The following RNF19A variants were observed in gnomAD, a reference collection of about 807,000 sequenced individuals.
RNF19A encodes E3 ubiquitin-protein ligase RNF19A.
Under a neutral mutation model 75.7 loss-of-function variants are expected in RNF19A, and 32 were observed. That is an observed-to-expected ratio of 0.42 (90% CI 0.32 to 0.57). The LOEUF (loss-of-function observed/expected upper bound fraction) is 0.57, where lower values mean the gene tolerates loss of function less well. Ranked by LOEUF, RNF19A falls within the 20% of genes least tolerant of loss-of-function variation. RNF19A has a pLI of 0.10. For synonymous variants in RNF19A, 335 were observed against 345.2 expected, an observed-to-expected ratio of 0.97 and a Z score of 0.33; for missense variants, 782 against 1,036.3, an observed-to-expected ratio of 0.75 and a Z score of 3.37.
At position 100,259,214 on chromosome 8, in the gene RNF19A, A is replaced by G. The variant is rs995824937; in HGVS notation, c.1859T>C (p.Ile620Thr). 3.1e-6 allele frequency: 5 copies of G among 1,613,256 alleles called. No individual in the cohort carries two copies. The highest frequency in any genetic ancestry group is 2.7e-5 in the African/African-American group (2 of 74,932). Residue 620 changes from isoleucine (I) to threonine (T), a missense_variant, in exon 10 of 10, where the codon ATT (isoleucine) becomes ACT (threonine). Physicochemically the swap from Ile to Thr is moderately conservative, Grantham distance 89 (BLOSUM62 -1). This residue lies in a region of RNF19A where 442 missense variants were observed against 541.6 expected (regional missense o/e 0.82). Transcript: ENST00000341084. This position sits in a 1 kb window ranked among gnomAD's most constrained non-coding sequence, Gnocchi z 4.5. ...EGNSMEVQVD[I>T]ESKPSKFRHN... The stretch of plus-strand genomic sequence containing the variant: ...CCTGAATTTGGATGGCTTTGACTCA[A>G]TATCTACTTGCACCTCCATACTGTT...
chr8:100,325,544 T>A lies in RNF19A; in HGVS notation c.-243+10564A>T, dbSNP rs1450502311. Among the ~76,000 whole-genome samples, 1 of 152,084 alleles carries A rather than the reference T, an allele frequency of 6.6e-6. No homozygotes were observed. The highest frequency in any genetic ancestry group is 1.5e-5 in the Non-Finnish European group (1 of 68,030). On this transcript the variant is annotated intron_variant, in intron 1 of 3. Transcript: ENST00000519527. The surrounding 1 kb of genome is among the most constrained non-coding windows in gnomAD (Gnocchi z 4.3). Reference sequence around the variant, plus strand: ...TTCAACTTTATATGTACCCAGGAATTTGGATCTAGTTCTCTGCCCTCAGCA... The same window carrying A: ...TTCAACTTTATATGTACCCAGGAATATGGATCTAGTTCTCTGCCCTCAGCA...
intron 1 of RNF19A, among the ~76,000 whole-genome samples, chr8:100,296,550 G>C (rs928408387): frequency 6.6e-6 from 1 of 152,058 alleles, no homozygotes; most frequent in Non-Finnish European, 1.5e-5. Context: ...TGGCTTCAGA[G>C]AAATCCATGA....
At chr8:100,286,216 T>C (rs1821010502) in intron 2 of RNF19A, among the ~76,000 whole-genome samples, 1 of 152,156 alleles carries the variant, frequency 6.6e-6, no homozygotes, top group Admixed American at 6.5e-5. Flanking sequence ...TCTTCCCACC[T>C]TTTTCTTGAA....
rs1323547237 is a variant in RNF19A, at chr8:100,261,229, G to C, written c.1682+313C>G. ...CCTACCTCAGCCTCCCGACCAGCTGGGACTACAGGTGCATGCCACCAAATC... is the reference window on the plus strand; with the variant it reads ...CCTACCTCAGCCTCCCGACCAGCTGCGACTACAGGTGCATGCCACCAAATC... On this transcript the variant is annotated intron_variant, in intron 8 of 9. Coordinates refer to ENST00000341084, the MANE Select transcript of RNF19A (RefSeq NM_183419.4). The surrounding 1 kb of genome is among the most constrained non-coding windows in gnomAD (Gnocchi z 4.4). Among the ~76,000 whole-genome samples the C allele has an allele frequency of 3.9e-5, 6 of 151,904 alleles. No homozygotes were observed. Among genetic ancestry groups the C allele is most frequent in the African/African-American group, 1.5e-4 (6 of 41,342 alleles).
At chr8:100,272,367 G>A (rs1563840355) in intron 3 of RNF19A, among the ~76,000 whole-genome samples, 2 of 150,776 alleles carry the variant, frequency 1.3e-5, no homozygotes, top group Non-Finnish European at 3.0e-5. Context: ...AGTGACTGGG[G>A]AAAAAAAACA....
rs1822516837 is a variant in RNF19A at position 100,325,144 on chromosome 8, G to A, written c.-243+10964C>T. ...GCTGGTCTCGAACTCCTGACCTCAG[G>A]TGATCCACCTGCCCTGGCCTCCCAA... On this transcript the variant is annotated intron_variant, in intron 1 of 3. Transcript: ENST00000519527. This position sits in a 1 kb window ranked among gnomAD's most constrained non-coding sequence, Gnocchi z 4.3. Among the ~76,000 whole-genome samples, 1 of 152,282 alleles carries A rather than the reference G, an allele frequency of 6.6e-6. No homozygotes were observed. The highest frequency in any genetic ancestry group is 2.4e-5 in the African/African-American group (1 of 41,548).
chr8:100,269,437 T>C lies in RNF19A; in HGVS notation c.1028+432A>G, dbSNP rs1242133012. Among the ~76,000 whole-genome samples, 1 of 151,796 alleles carries C rather than the reference T, an allele frequency of 6.6e-6. No individual in the cohort carries two copies. Among genetic ancestry groups the C allele is most frequent in the Non-Finnish European group, 1.5e-5 (1 of 67,910 alleles). The stretch of plus-strand genomic sequence containing the variant: ...TGATAACTGAGATTCAGGTTAAAAA[T>C]TTATCCCTAGTCCTCCATTATCCTC... On this transcript the variant is annotated intron_variant, in intron 4 of 9. Coordinates refer to ENST00000341084, the MANE Select transcript of RNF19A (RefSeq NM_183419.4). This position sits in a 1 kb window ranked among gnomAD's most constrained non-coding sequence, Gnocchi z 5.7.
At chr8:100,274,854 C>G in intron 3 of RNF19A, 99 bp downstream of exon 3, 2 of 905,834 alleles carry the variant, frequency 2.2e-6, no homozygotes, top group African/African-American at 3.4e-5. Flanking sequence ...AAAACACTTT[C>G]GGCAAGTGAA....
intron 1 of RNF19A, among the ~76,000 whole-genome samples, chr8:100,295,844 T>G (rs1821529719): frequency 6.6e-6 from 1 of 152,218 alleles, no homozygotes; most frequent in South Asian, 2.1e-4. Context: ...TAAACTAGAT[T>G]ATCATATATC....
chr8:100,270,238 A>G (rs1017615172), intron 3 of RNF19A, among the ~76,000 whole-genome samples: 8 of 152,290 alleles, frequency 5.3e-5, no homozygotes, highest in Admixed American at 1.3e-4. Flanking sequence ...CATAGTAGTA[A>G]AACAATGAGA....
chr8:100,259,313 A>G lies in RNF19A; in HGVS notation c.1827-67T>C. 7.5e-7 allele frequency: 1 copy of G among 1,326,756 alleles called. No homozygotes were observed. The allele number at this position is 1,326,756 out of a possible 1,614,324, so 82.2% of individuals were successfully genotyped here. A position where few individuals can be genotyped will look rare whatever the true frequency, so the allele number is the denominator to read the frequency against. On this transcript the variant is annotated intron_variant, in intron 9 of 9. Transcript: ENST00000341084. This position sits in a 1 kb window ranked among gnomAD's most constrained non-coding sequence, Gnocchi z 4.5. ...TCTTTTTGTTCAGATGACTGGGGGA[A>G]GGGTTTCTATGTGGAAAATTCAGAC...
intron 1 of RNF19A, chr8:100,303,045 G>C (rs947235012): frequency 2.0e-5 from 3 of 152,160 alleles, no homozygotes; most frequent in Non-Finnish European, 4.4e-5. Flanking sequence ...ATAAAACAAC[G>C]ATAATTAGAG....
At chr8:100,293,962 C>A (rs548568846) in intron 1 of RNF19A, among the ~76,000 whole-genome samples, 1 of 152,250 alleles carries the variant, frequency 6.6e-6, no homozygotes, top group Non-Finnish European at 1.5e-5. Flanking sequence ...TTCATAGTTT[C>A]CATTTCTCTG....
At position 100,260,379 on chromosome 8, in the gene RNF19A, G is replaced by T. The variant is rs1388690343; in HGVS notation, c.1683-382C>A. Among the ~76,000 whole-genome samples, 2 of 152,000 alleles carry T rather than the reference G, an allele frequency of 1.3e-5. No homozygotes were observed. Among genetic ancestry groups the T allele is most frequent in the Non-Finnish European group, 1.5e-5 (1 of 67,994 alleles). Reference sequence around the variant, plus strand: ...ACACACCAATGAATCCAAAAATCCTGGGCATCTATATTAAAAAATGACTCT... The same window carrying T: ...ACACACCAATGAATCCAAAAATCCTTGGCATCTATATTAAAAAATGACTCT... On this transcript the variant is annotated intron_variant, in intron 8 of 9. Transcript: ENST00000341084. The surrounding 1 kb of genome is among the most constrained non-coding windows in gnomAD (Gnocchi z 4.1).
rs1822393978 is a variant in RNF19A, at chr8:100,317,125, G to GCTC, written c.-242-3754_-242-3753insGAG. Reference sequence around the variant, plus strand: ...ACCCGGAACTCCAGCTGGCCCGCAAGCGCCGCACGCAGCCCAGCCCGGGTT... The same window carrying GCTC: ...ACCCGGAACTCCAGCTGGCCCGCAAGCTCCGCCGCACGCAGCCCAGCCCGGGTT... On this transcript the variant is annotated intron_variant, in intron 1 of 3. Transcript: ENST00000519527. This position sits in a 1 kb window ranked among gnomAD's most constrained non-coding sequence, Gnocchi z 4.3. 1.2e-5 allele frequency among the ~76,000 whole-genome samples: 1 copy of GCTC among 83,066 alleles called. No individual in the cohort carries two copies. Among genetic ancestry groups the GCTC allele is most frequent in the Admixed American group, 1.1e-4 (1 of 8,842 alleles). 54.5% of individuals were successfully genotyped at this position (83,066 alleles called of 152,430 possible). A position where few individuals can be genotyped will look rare whatever the true frequency, so the allele number is the denominator to read the frequency against.
At chr8:100,299,525 C>CA (rs1192796881) in intron 1 of RNF19A, among the ~76,000 whole-genome samples, 1 of 152,156 alleles carries the variant, frequency 6.6e-6, no homozygotes, top group African/African-American at 2.4e-5. Flanking sequence ...TTTGGGAGAC[C>CA]AAGGTGGGCA....
chr8:100,285,954 G>C (rs1300014641), intron 2 of RNF19A, among the ~76,000 whole-genome samples: 1 of 152,148 alleles, frequency 6.6e-6, no homozygotes, highest in Non-Finnish European at 1.5e-5. Flanking sequence ...TGCTATGGGA[G>C]TATTTGTTAT....
At chr8:100,307,984 G>A (rs1246316540) in intron 1 of RNF19A, among the ~76,000 whole-genome samples, 9 of 152,084 alleles carry the variant, frequency 5.9e-5, no homozygotes, top group Non-Finnish European at 1.2e-4. Context: ...TGACAGTATG[G>A]ACAGTTCTTT....
upstream of RNF19A, chr8:100,312,205 AG>A (rs986253734): frequency 1.3e-5 from 2 of 152,248 alleles, no homozygotes; most frequent in Non-Finnish European, 2.9e-5. Context: ...CTCTGCTTTT[AG>A]AGCAGTGTTT....
Sources: allele counts gnomAD v4.1 joint callset (sites outside exome capture counted in the v4.1 genomes callset), GRCh38; gene constraint gnomAD v4.1.1; regional missense constraint gnomAD v4.1.1; non-coding constraint Gnocchi (gnomAD v3.1); transcripts MANE v1.5; gene names NCBI Gene and HGNC (gene_info 2026-07-23, HGNC 2026-07-21).